RAB28: variants seen among roughly 807,000 people sequenced by gnomAD.
RAB28 encodes RAB28, member RAS oncogene family.
In RAB28, 24 loss-of-function variants were observed where a neutral mutation model predicts 31.7. The observed-to-expected ratio is 0.76, with a 90% confidence interval of 0.55 to 1.06. The LOEUF (loss-of-function observed/expected upper bound fraction) is 1.06, where lower values mean the gene tolerates loss of function less well. Ranked by LOEUF, RAB28 falls within the 50% of genes least tolerant of loss-of-function variation. RAB28 has a pLI of 0.00. For missense variants in RAB28, 254 were observed against 258.5 expected (o/e 0.98, Z 0.12); for synonymous variants, 100 against 90.4 (o/e 1.11, Z -0.60).
intron 4 of RAB28, among the ~76,000 whole-genome samples, chr4:13,428,564 A>G (rs1347236749): frequency 6.6e-6 from 1 of 152,214 alleles, no homozygotes; most frequent in Non-Finnish European, 1.5e-5. Flanking sequence ...AGCAGATTCT[A>G]GAATGCAGAT....
At chr4:13,418,284 AC>A (rs1416975792) in intron 4 of RAB28, among the ~76,000 whole-genome samples, 2 of 152,246 alleles carry the variant, frequency 1.3e-5, no homozygotes, top group Non-Finnish European at 2.9e-5. Context: ...TGATTGGTGT[AC>A]CTGAAAGTGA....
In RAB28 at chr4:13,368,654, T is replaced by C. The variant is rs1728604656; in HGVS notation, c.574-4A>G. ...CAATATCTGCCTTCACCACCCTCTG[T>C]CATAAAAGAAAACAGAGTTATTATC... On this transcript the variant is annotated splice_polypyrimidine_tract_variant and splice_region_variant and intron_variant, in intron 6 of 6. Coordinates refer to ENST00000330852, the MANE Select transcript of RAB28 (RefSeq NM_001017979.3). 6.2e-7 allele frequency: 1 copy of C among 1,606,146 alleles called. No individual in the cohort carries two copies. Among genetic ancestry groups the C allele is most frequent in the Non-Finnish European group, 8.5e-7 (1 of 1,174,364 alleles).
At chr4:13,414,643 G>A (rs912327901) in intron 4 of RAB28, among the ~76,000 whole-genome samples, 10 of 152,160 alleles carry the variant, frequency 6.6e-5, no homozygotes, top group Admixed American at 6.5e-4. Context: ...ACCAGACAAG[G>A]CTGGTACAAA....
rs181787748 is a variant in RAB28 at position 13,476,429 on chromosome 4, G to A, written c.173-2023C>T. On this transcript the variant is annotated intron_variant, in intron 2 of 6. Transcript: ENST00000330852. Reference sequence around the variant, plus strand: ...GAAATAAAAATAGCTATGAATTACTGATAGTCCACTAATATAGAATGCTAA... The same window carrying A: ...GAAATAAAAATAGCTATGAATTACTAATAGTCCACTAATATAGAATGCTAA... Among the ~76,000 whole-genome samples the A allele has an allele frequency of 2.6e-5, 4 of 151,390 alleles. No individual in the cohort carries two copies. In the East Asian group the frequency reaches 5.8e-4, roughly 22 times the overall value.
intron 4 of RAB28, among the ~76,000 whole-genome samples, chr4:13,413,444 A>G (rs1414279055): frequency 6.6e-6 from 1 of 152,224 alleles, no homozygotes; most frequent in Non-Finnish European, 1.5e-5. Context: ...CTGCACATGC[A>G]GTAACTCAAG....
intron 4 of RAB28, among the ~76,000 whole-genome samples, chr4:13,424,398 C>G (rs1386286549): frequency 6.6e-6 from 1 of 152,176 alleles, no homozygotes; most frequent in East Asian, 1.9e-4. Flanking sequence ...CCTCCATCTT[C>G]ACATAACTTT....
chr4:13,372,271 G>A (rs781226857), intron 6 of RAB28, among the ~76,000 whole-genome samples: 2 of 152,046 alleles, frequency 1.3e-5, no homozygotes, highest in Non-Finnish European at 2.9e-5. Flanking sequence ...CAAGATTACA[G>A]AACACAATTT....
At chr4:13,482,414 G>T (rs1248353179) in intron 1 of RAB28, among the ~76,000 whole-genome samples, 1 of 152,040 alleles carries the variant, frequency 6.6e-6, no homozygotes. Context: ...CAATTTTTGT[G>T]TCTTTTTACA....
intron 4 of RAB28, among the ~76,000 whole-genome samples, chr4:13,459,443 A>G (rs1317802616): frequency 1.3e-5 from 2 of 152,214 alleles, no homozygotes; most frequent in African/African-American, 4.8e-5. Flanking sequence ...ACTGCCTAAC[A>G]ATACACTTCT....
intron 1 of RAB28, among the ~76,000 whole-genome samples, chr4:13,483,401 T>C (rs1489829131): frequency 6.6e-6 from 1 of 152,214 alleles, no homozygotes; most frequent in East Asian, 1.9e-4. Flanking sequence ...ACTGCTTGTA[T>C]CGAGTGCTGA....
intron 3 of RAB28, among the ~76,000 whole-genome samples, chr4:13,465,698 C>T (rs1364726168): frequency 6.6e-6 from 1 of 150,810 alleles, no homozygotes; most frequent in African/African-American, 2.4e-5. Context: ...AAACTAAACT[C>T]TACATAGGAA....
chr4:13,425,570 T>C (rs1713433615), intron 4 of RAB28, among the ~76,000 whole-genome samples: 1 of 152,138 alleles, frequency 6.6e-6, no homozygotes, highest in Admixed American at 6.5e-5. Context: ...CACACACATA[T>C]GTACACATGC....
At chr4:13,413,642 T>C (rs1479683082) in intron 4 of RAB28, among the ~76,000 whole-genome samples, 3 of 152,042 alleles carry the variant, frequency 2.0e-5, no homozygotes. Context: ...GTTTTAAAAA[T>C]TATGCATGAT....
At chr4:13,426,251 G>A (rs185236749) in intron 4 of RAB28, among the ~76,000 whole-genome samples, 16 of 152,138 alleles carry the variant, frequency 1.1e-4, no homozygotes, top group Non-Finnish European at 5.9e-5. Context: ...GGAAGGGAGG[G>A]CAAAAAGAAA....
chr4:13,391,113 C>G (rs1355151918), intron 4 of RAB28, among the ~76,000 whole-genome samples: 1 of 152,164 alleles, frequency 6.6e-6, no homozygotes, highest in Admixed American at 6.5e-5. Context: ...TCAGAGTGAA[C>G]AGGCAACCTG....
At chr4:13,400,174 G>T (rs1001376360) in intron 4 of RAB28, among the ~76,000 whole-genome samples, 1 of 152,108 alleles carries the variant, frequency 6.6e-6, no homozygotes, top group Admixed American at 6.5e-5. Context: ...TTCCACTTAT[G>T]TGAGGATTTG....
intron 3 of RAB28, among the ~76,000 whole-genome samples, chr4:13,466,551 T>C (rs1715853991): frequency 6.6e-6 from 1 of 151,836 alleles, no homozygotes. Flanking sequence ...ATAACAAGTA[T>C]CAGTGAGAAT....
intron 4 of RAB28, among the ~76,000 whole-genome samples, chr4:13,411,685 T>C (rs1577186622): frequency 1.3e-5 from 2 of 152,038 alleles, no homozygotes; most frequent in East Asian, 3.8e-4. Flanking sequence ...ATTTTAAAAA[T>C]AAAATCAGAT....
At chr4:13,431,499 A>C (rs1028835143) in intron 4 of RAB28, among the ~76,000 whole-genome samples, 1 of 152,164 alleles carries the variant, frequency 6.6e-6, no homozygotes, top group African/African-American at 2.4e-5. Context: ...TATACCCAGA[A>C]CTGCACCATG....
Sources: allele counts gnomAD v4.1 joint callset (sites outside exome capture counted in the v4.1 genomes callset), GRCh38; gene constraint gnomAD v4.1.1; transcripts MANE v1.5; gene names NCBI Gene and HGNC (gene_info 2026-07-23, HGNC 2026-07-21).